PPOX: variants seen among roughly 807,000 people sequenced by gnomAD.
The protein encoded by PPOX is protoporphyrinogen oxidase.
PPOX carries 23 observed loss-of-function variants against 54.1 expected under a neutral mutation model. The ratio of observed to expected loss-of-function variants is 0.43; its 90% CI spans 0.31 to 0.60. The LOEUF (loss-of-function observed/expected upper bound fraction) is 0.60, where lower values mean the gene tolerates loss of function less well. Among genes scored for constraint, PPOX ranks in the 20% least tolerant of loss-of-function variants. PPOX has a pLI of 0.13. For missense variants in PPOX, 512 were observed against 601.1 expected (o/e 0.85, Z 1.55); for synonymous variants, 224 against 236.1 (o/e 0.95, Z 0.47).
downstream of PPOX, chr1:161,171,288 G>A (rs1661348700): frequency 1.3e-6 from 2 of 1,555,370 alleles, no homozygotes; most frequent in Non-Finnish European, 1.8e-6. Flanking sequence ...AGTGTGCCTG[G>A]GATGCAGAAA....
At chr1:161,167,618 G>T (rs1166428669) in intron 4 of PPOX, 132 bp downstream of exon 4, 3 of 1,218,080 alleles carry the variant, frequency 2.5e-6, no homozygotes, top group African/African-American at 3.4e-5. Flanking sequence ...AGGATGGAGT[G>T]CAATGGCGCG....
chr1:161,165,886 G>A (rs983565264), upstream of PPOX, among the ~76,000 whole-genome samples: 2 of 152,172 alleles, frequency 1.3e-5, no homozygotes, highest in African/African-American at 4.8e-5. Flanking sequence ...TCCCCCAGCA[G>A]TGAAGGTTAT....
intron 9 of PPOX, 89 bp from the exon 10 acceptor site, chr1:161,170,320 G>GGGGGGGCGGCCCC: frequency 2.0e-6 from 1 of 494,792 alleles, no homozygotes. Context: ...GTGAGACTCT[G>GGGGGGGCGGCCCC]TCCCCCCCAC....
In PPOX at chr1:161,169,101, C is replaced by A. The variant is rs763382256; in HGVS notation, c.725C>A (p.Thr242Asn). 2.5e-6 allele frequency: 4 copies of A among 1,614,220 alleles called. No individual in the cohort carries two copies. The Admixed American group carries it at 6.7e-5, about 27-fold the overall frequency. Residue 242 changes from threonine (T) to asparagine (N), a missense_variant, in exon 7 of 13, where the codon ACC becomes AAC. Transcript: ENST00000367999. ...GAGATGTTGCCTCAGGCCCTTGAAA[C>A]CCACCTGACTAGTAGGGGGGTCAGT... is the stretch of plus-strand genomic sequence containing the variant. ...GLEMLPQALE[T>N]HLTSRGVSVL...
chr1:161,177,324 T>C (rs1664000846), downstream of PPOX: 1 of 528,524 alleles, frequency 1.9e-6, no homozygotes, highest in East Asian at 3.3e-5. Flanking sequence ...CCGTCCCTGC[T>C]CAGGCTCGTC....
chr1:161,173,230 C>G (rs1209653815), downstream of PPOX, among the ~76,000 whole-genome samples: 1 of 152,196 alleles, frequency 6.6e-6, no homozygotes, highest in Non-Finnish European at 1.5e-5. Context: ...AGGCCTTTTA[C>G]AAAGCGATTC....
downstream of PPOX, chr1:161,177,814 C>G (rs1664129606): frequency 6.6e-6 from 1 of 152,326 alleles, no homozygotes; most frequent in South Asian, 2.1e-4. Context: ...CTCCGCTGAC[C>G]TCGTTATCAC....
chr1:161,168,653 C>G, intron 6 of PPOX, 77 bp downstream of exon 6: 1 of 1,556,394 alleles, frequency 6.4e-7, no homozygotes, highest in Non-Finnish European at 8.8e-7. Context: ...GGGTGCTATT[C>G]AATGATTCTT....
At chr1:161,171,567 A>G, downstream of PPOX, 1 of 603,538 alleles carries the variant, frequency 1.7e-6, no homozygotes, top group Non-Finnish European at 2.9e-6. Flanking sequence ...ACTCCTAGGA[A>G]TCGTCACATA....
chr1:161,171,132 C>T lies in PPOX; in HGVS notation c.1390C>T (p.Arg464Cys), dbSNP rs147480828. ...TGTTAATGACTGTATAGAGAGTGGG[C>T]GCCAGGCAGCAGTCAGTGTCCTGGG... ...VAVNDCIESGRQAAVSVLGTE... is the reference protein window; with the variant it reads ...VAVNDCIESGCQAAVSVLGTE... Residue 464 changes from arginine to cysteine, a missense_variant, in exon 13 of 13, where the codon CGC (arginine) becomes TGC (cysteine). Arg to Cys is a radical substitution (Grantham distance 180). Coordinates refer to ENST00000367999, the MANE Select transcript of PPOX (RefSeq NM_001122764.3). The T allele has an allele frequency of 9.9e-6, 16 of 1,613,576 alleles. No homozygotes were observed. Among genetic ancestry groups the T allele is most frequent in the African/African-American group, 6.7e-5 (5 of 74,896 alleles).
downstream of PPOX, chr1:161,172,016 C>T: frequency 2.0e-5 from 32 of 1,614,122 alleles, no homozygotes; most frequent in Non-Finnish European, 2.6e-5. Context: ...AGCTCTCGAG[C>T]CAGCAACTGG....
At chr1:161,176,286 T>C (rs1204329756) in intron 4 of PPOX, 1 of 613,820 alleles carries the variant, frequency 1.6e-6, no homozygotes, top group Non-Finnish European at 2.8e-6. Flanking sequence ...CAAGTTTCGC[T>C]CTCCTCTACC....
downstream of PPOX, chr1:161,173,479 AAGGAATGGGCTCAGTGC>A: frequency 7.3e-7 from 1 of 1,370,340 alleles, no homozygotes; most frequent in Non-Finnish European, 1.0e-6. Context: ...GACTAAGGGA[AAGGAATGGGCTCAGTGC>A]AGGACCAGGG....
intron 5 of PPOX, 90 bp downstream of exon 5, chr1:161,168,217 T>A (rs1659814172): frequency 6.2e-7 from 1 of 1,601,984 alleles, no homozygotes; most frequent in African/African-American, 1.3e-5. Flanking sequence ...GGCTCTTCTG[T>A]ATCATTTGGG....
chr1:161,177,595 G>A (rs111597473), downstream of PPOX: 2,433 of 158,964 alleles, frequency 0.015, 61 homozygotes, highest in African/African-American at 0.054. Context: ...GTGGCCGGGG[G>A]CTTGTGAGGG....
Position 161,167,170 on chromosome 1 carries a change from T to C in PPOX, c.158T>C (p.Ile53Thr). The change falls in exon 3 of 13, where the codon ATC (isoleucine) becomes ACC (threonine). Residue 53 changes from isoleucine (I) to threonine (T), a missense_variant. By Grantham distance (89) the Ile-to-Thr change is moderately conservative. Transcript: ENST00000367999. The part of the protein sequence containing the change: ...IRSVRGPNGA[I>T]FELGPRGIRP... ...TCCGTTCGAGGCCCTAATGGTGCTA[T>C]CTTTGAGCTTGGACCTCGGGGAATT... The C allele has an allele frequency of 6.2e-7, 1 of 1,614,138 alleles. No individual in the cohort carries two copies. Among genetic ancestry groups the C allele is most frequent in the Non-Finnish European group, 8.5e-7 (1 of 1,180,018 alleles).
At chr1:161,176,368 T>C (rs751390867) in intron 4 of PPOX, 1 of 480,204 alleles carries the variant, frequency 2.1e-6, no homozygotes, top group Non-Finnish European at 3.8e-6. Context: ...TCAAATCTCA[T>C]GTTCATTTCA....
intron 9 of PPOX, 95 bp downstream of exon 9, chr1:161,170,119 G>A (rs1352367451): frequency 4.2e-6 from 6 of 1,431,206 alleles, no homozygotes; most frequent in Non-Finnish European, 4.8e-6. Context: ...AAGGTCAGGA[G>A]TTCGAGACCA....
Position 161,168,407 on chromosome 1 carries a change from CCTTAGTCCT to C in PPOX, c.472-24_472-16del. 1.2e-6 allele frequency: 2 copies of C among 1,613,998 alleles called. No individual in the cohort carries two copies. Among genetic ancestry groups the C allele is most frequent in the Non-Finnish European group, 1.7e-6 (2 of 1,179,946 alleles). On this transcript the variant is annotated splice_polypyrimidine_tract_variant and intron_variant, in intron 5 of 12. Transcript: ENST00000367999. ...AGTCAGTGTAGATTATTTTTTCGCT[CCTTAGTCCT>C]AGTCTCACCCTTAAGGTGGCGTCTC...
Sources: allele counts gnomAD v4.1 joint callset (sites outside exome capture counted in the v4.1 genomes callset), GRCh38; gene constraint gnomAD v4.1.1; transcripts MANE v1.5; gene names NCBI Gene and HGNC (gene_info 2026-07-23, HGNC 2026-07-21).